PON3: variants seen among roughly 807,000 people sequenced by gnomAD.
PON3 encodes serum paraoxonase/lactonase 3.
PON3 carries 37 observed loss-of-function variants against 36.3 expected under a neutral mutation model. The ratio of observed to expected loss-of-function variants is 1.02; its 90% CI spans 0.78 to 1.34. The LOEUF is 1.34. Among genes scored for constraint, PON3 ranks in the 40% most tolerant of loss-of-function variants. The probability of loss-of-function intolerance (pLI) is 0.00; values close to 1 mark genes in which losing one functional copy is unlikely to be tolerated. For missense variants in PON3, 415 were observed against 426.5 expected, an observed-to-expected ratio of 0.97 and a Z score of 0.24; for synonymous variants, 155 against 154.8, an observed-to-expected ratio of 1.00 and a Z score of -0.01.
Position 95,390,197 on chromosome 7 carries a change from T to C in PON3, c.158A>G (p.Glu53Gly). Residue 53 changes from glutamate to glycine, a missense_variant, in exon 3 of 9, where the codon GAA (glutamate) becomes GGA (glycine). Glu to Gly is a moderately conservative substitution (Grantham distance 98, BLOSUM62 -2). Transcript: ENST00000265627. The stretch of plus-strand genomic sequence containing the variant: ...CCCACTAGGAAGTATATCAATATCT[T>C]CAGAGCCACTTTCTGCAAAAGAAGG... ...HLIEELESGSEDIDILPSGLA... is the reference protein window; with the variant it reads ...HLIEELESGSGDIDILPSGLA... 1 of 1,611,412 alleles carries C rather than the reference T, an allele frequency of 6.2e-7. No individual in the cohort carries two copies. The highest frequency in any genetic ancestry group is 8.5e-7 in the Non-Finnish European group (1 of 1,177,706).
At chr7:95,363,792 C>A (rs1167351270) in intron 6 of PON3, 71 bp downstream of exon 6, 9 of 1,443,240 alleles carry the variant, frequency 6.2e-6, no homozygotes, top group Admixed American at 5.0e-5. Flanking sequence ...AAGGAAGTAA[C>A]TTCCTCGTAA....
At chr7:95,371,331 T>G (rs978855384) in intron 4 of PON3, among the ~76,000 whole-genome samples, 1 of 152,078 alleles carries the variant, frequency 6.6e-6, no homozygotes, top group African/African-American at 2.4e-5. Flanking sequence ...GTTGCTGGAT[T>G]GTGTGGTAAC....
chr7:95,376,655 A>G (rs1047080093), intron 3 of PON3, among the ~76,000 whole-genome samples: 1 of 151,890 alleles, frequency 6.6e-6, no homozygotes, highest in African/African-American at 2.4e-5. Flanking sequence ...AAAAAAAAAA[A>G]GAAAACATAC....
At chr7:95,382,677 C>G (rs546349658) in intron 3 of PON3, among the ~76,000 whole-genome samples, 1 of 152,262 alleles carries the variant, frequency 6.6e-6, no homozygotes, top group Non-Finnish European at 1.5e-5. Context: ...TCTGAATAGA[C>G]CAATAACAGG....
chr7:95,372,152 C>A lies in PON3; in HGVS notation c.367+21G>T, dbSNP rs143592627. On this transcript the variant is annotated intron_variant, in intron 4 of 8. Coordinates refer to ENST00000265627, the MANE Select transcript of PON3 (RefSeq NM_000940.3). ...TCTATTTCCCTCATTTCCCCCTTAT[C>A]CCTAAACATACAGGTTTTACCTTTG... is the stretch of plus-strand genomic sequence containing the variant. 113 of 1,607,820 alleles carry A rather than the reference C, an allele frequency of 7.0e-5. 1 individual carries two copies. The East Asian group carries it at 2.4e-3, about 34-fold the overall frequency.
chr7:95,394,593 A>G (rs1465128613), intron 2 of PON3, 51 bp downstream of exon 2: 1 of 1,523,348 alleles, frequency 6.6e-7, no homozygotes, highest in Admixed American at 1.7e-5. Context: ...AGTCAGGTGG[A>G]TGACGACCAA....
intron 3 of PON3, among the ~76,000 whole-genome samples, chr7:95,386,742 T>C (rs1308358959): frequency 1.3e-5 from 2 of 152,052 alleles, no homozygotes; most frequent in African/African-American, 4.8e-5. Flanking sequence ...CTCAAAAAAA[T>C]ACTGGCAAAC....
intron 4 of PON3, 103 bp from the exon 5 acceptor site, chr7:95,367,591 T>C: frequency 7.8e-7 from 1 of 1,280,456 alleles, no homozygotes; most frequent in Non-Finnish European, 1.1e-6. Context: ...TCTTCTTACA[T>C]CTTGCATTTT....
At position 95,367,451 on chromosome 7, in the gene PON3, G is replaced by C. The variant is rs943543098; in HGVS notation, c.405C>G (p.His135Gln). The C allele has an allele frequency of 5.0e-6, 8 of 1,613,044 alleles. No individual in the cohort carries two copies. The highest frequency in any genetic ancestry group is 6.8e-6 in the Non-Finnish European group (8 of 1,179,328). ...TVYLYVVNHP[H>Q]MKSTVEIFKF... Reference sequence around the variant, plus strand: ...TAAATATCTCCACAGTGGACTTCATGTGGGGATGATTCACAACATAAAGAT... The same window carrying C: ...TAAATATCTCCACAGTGGACTTCATCTGGGGATGATTCACAACATAAAGAT... The change falls in exon 5 of 9, where the codon CAC becomes CAG. Residue 135 changes from histidine to glutamine, a missense_variant. Physicochemically the swap from His to Gln is conservative, Grantham distance 24. Transcript: ENST00000265627.
intron 3 of PON3, among the ~76,000 whole-genome samples, chr7:95,373,248 C>T (rs1006243825): frequency 1.3e-5 from 2 of 152,168 alleles, no homozygotes; most frequent in African/African-American, 4.8e-5. Flanking sequence ...CTTTCTGCCT[C>T]TTTCCCTCTC....
At chr7:95,377,355 A>G (rs994472628) in intron 3 of PON3, among the ~76,000 whole-genome samples, 1 of 152,198 alleles carries the variant, frequency 6.6e-6, no homozygotes, top group African/African-American at 2.4e-5. Context: ...ATCAGAACAA[A>G]AGGCGGCAGA....
At chr7:95,383,760 T>G (rs1158556753) in intron 3 of PON3, among the ~76,000 whole-genome samples, 1 of 152,076 alleles carries the variant, frequency 6.6e-6, no homozygotes, top group Non-Finnish European at 1.5e-5. Context: ...ATCAATATCG[T>G]GAAAATGGCC....
chr7:95,362,905 T>C (rs1393525678), intron 6 of PON3, 64 bp from the exon 7 acceptor site: 1 of 1,230,440 alleles, frequency 8.1e-7, no homozygotes, highest in African/African-American at 1.5e-5. Context: ...CACTTTTATT[T>C]TGGAGAAGAG....
intron 5 of PON3, chr7:95,364,652 CT>C (rs1808651602): frequency 1.2e-5 from 2 of 166,078 alleles, no homozygotes; most frequent in African/African-American, 4.8e-5. Context: ...CCTAAATCAC[CT>C]ACACTGGATA....
At chr7:95,363,754 C>T (rs1808628607) in intron 6 of PON3, 109 bp downstream of exon 6, 1 of 1,068,754 alleles carries the variant, frequency 9.4e-7, no homozygotes, top group Non-Finnish European at 1.4e-6. Flanking sequence ...GATCCCTCCA[C>T]ACATATATTC....
At chr7:95,382,746 G>GGATTCACA (rs1325691486) in intron 3 of PON3, among the ~76,000 whole-genome samples, 1 of 152,154 alleles carries the variant, frequency 6.6e-6, no homozygotes, top group Admixed American at 6.5e-5. Context: ...AGGATCAGAT[G>GGATTCACA]GATTCACAGC....
At chr7:95,385,584 A>T (rs1315544263) in intron 3 of PON3, among the ~76,000 whole-genome samples, 1 of 152,172 alleles carries the variant, frequency 6.6e-6, no homozygotes, top group Admixed American at 6.6e-5. Context: ...AGACATACAC[A>T]GAACTCTTCA....
intron 3 of PON3, among the ~76,000 whole-genome samples, chr7:95,383,588 G>C (rs887611844): frequency 2.9e-4 from 44 of 152,264 alleles, no homozygotes; most frequent in Admixed American, 5.2e-4. Flanking sequence ...AATCATGAGT[G>C]AACTCCCATT....
At chr7:95,374,122 G>A (rs759334293) in intron 3 of PON3, among the ~76,000 whole-genome samples, 24 of 152,138 alleles carry the variant, frequency 1.6e-4, no homozygotes, top group African/African-American at 2.2e-4. Context: ...GGAAAAAATT[G>A]TCTTCCACGA....
Sources: gnomAD v4.1 joint callset for allele counts (sites outside exome capture counted in the v4.1 genomes callset) on GRCh38, gnomAD v4.1.1 for gene constraint, MANE v1.5 for transcripts, NCBI Gene and HGNC (gene_info 2026-07-23, HGNC 2026-07-21) for gene names.